Variants in PLXDC2 observed in about 807,000 individuals in gnomAD.
PLXDC2 encodes plexin domain containing 2.
A neutral mutation model predicts 68.9 loss-of-function variants in PLXDC2; 40 were observed. The ratio of observed to expected loss-of-function variants is 0.58; its 90% CI spans 0.45 to 0.76. PLXDC2 has a LOEUF of 0.76. Among genes scored for constraint, PLXDC2 ranks in the 30% least tolerant of loss-of-function variants. The probability of loss-of-function intolerance (pLI) is 0.00; values close to 1 mark genes in which losing one functional copy is unlikely to be tolerated. For synonymous variants in PLXDC2, 243 were observed against 234.2 expected, an observed-to-expected ratio of 1.04 and a Z score of -0.34; for missense variants, 644 against 661.9, an observed-to-expected ratio of 0.97 and a Z score of 0.30.
At chr10:20,145,119 AT>A (rs1326325404) in intron 5 of PLXDC2, among the ~76,000 whole-genome samples, 2 of 152,230 alleles carry the variant, frequency 1.3e-5, no homozygotes, top group Non-Finnish European at 2.9e-5. Context: ...ATGAATAAAA[AT>A]AATTACATAC....
At chr10:20,083,586 A>G (rs1194605858) in intron 4 of PLXDC2, among the ~76,000 whole-genome samples, 1 of 152,062 alleles carries the variant, frequency 6.6e-6, no homozygotes, top group Non-Finnish European at 1.5e-5. Flanking sequence ...CAGTGTATGT[A>G]TTTGTTTTTA....
chr10:20,143,732 T>C (rs1021949111), intron 5 of PLXDC2, among the ~76,000 whole-genome samples: 3 of 151,968 alleles, frequency 2.0e-5, no homozygotes, highest in Non-Finnish European at 4.4e-5. Flanking sequence ...CAGAAAAAAA[T>C]GGAAATAAGA....
chr10:20,279,882 T>A lies in PLXDC2; in HGVS notation c.*63T>A, dbSNP rs894180748. On this transcript the variant is annotated 3_prime_UTR_variant, in exon 14 of 14. Transcript: ENST00000377252. ...GGTGTTAAGACTAAAATTTTGCCTA[T>A]ACCTTTAAGACAAACAAACAAACAC... 3 of 1,307,706 alleles carry A rather than the reference T, an allele frequency of 2.3e-6. No individual in the cohort carries two copies. In the African/African-American group the frequency reaches 4.4e-5, roughly 19 times the overall value. The allele number at this position is 1,307,706 out of a possible 1,614,324, so 81.0% of individuals were successfully genotyped here.
At chr10:20,101,795 CT>C (rs78761647) in intron 4 of PLXDC2, among the ~76,000 whole-genome samples, 2 of 149,288 alleles carry the variant, frequency 1.3e-5, no homozygotes, top group Admixed American at 6.7e-5. Flanking sequence ...TTTTACCAAA[CT>C]TTTTTTTTTA....
chr10:20,198,527 C>G (rs1834872528), intron 9 of PLXDC2, among the ~76,000 whole-genome samples: 1 of 152,058 alleles, frequency 6.6e-6, no homozygotes, highest in Admixed American at 6.6e-5. Flanking sequence ...ATGTCTTCAA[C>G]TTTTAACTCT....
chr10:20,173,415 A>T (rs1275482038), intron 7 of PLXDC2, among the ~76,000 whole-genome samples: 1 of 152,174 alleles, frequency 6.6e-6, no homozygotes, highest in Non-Finnish European at 1.5e-5. Context: ...GATCATGGCT[A>T]ATCATGCCTC....
chr10:20,053,880 G>A (rs994725980), intron 3 of PLXDC2, among the ~76,000 whole-genome samples: 1 of 152,028 alleles, frequency 6.6e-6, no homozygotes, highest in Non-Finnish European at 1.5e-5. Flanking sequence ...GTGCGTTGTG[G>A]AGAATAAAAA....
chr10:20,102,870 A>G (rs1589630397), intron 4 of PLXDC2, among the ~76,000 whole-genome samples: 1 of 152,154 alleles, frequency 6.6e-6, no homozygotes, highest in Admixed American at 6.6e-5. Context: ...AAGAACACCA[A>G]ATTATTGAGT....
At chr10:20,085,475 T>C (rs1311709582) in intron 4 of PLXDC2, among the ~76,000 whole-genome samples, 1 of 152,198 alleles carries the variant, frequency 6.6e-6, no homozygotes, top group Non-Finnish European at 1.5e-5. Context: ...TGCTACATGA[T>C]ATTTAAGCTG....
At chr10:19,828,952 A>C (rs1836628087) in intron 1 of PLXDC2, among the ~76,000 whole-genome samples, 1 of 152,084 alleles carries the variant, frequency 6.6e-6, no homozygotes, top group Non-Finnish European at 1.5e-5. Context: ...AGATCTTTCT[A>C]AAATGCAAAT....
At chr10:19,912,183 C>T (rs1205012626) in intron 1 of PLXDC2, among the ~76,000 whole-genome samples, 22 of 152,208 alleles carry the variant, frequency 1.4e-4, no homozygotes, top group Non-Finnish European at 4.4e-5. Context: ...TAGAGCTGAG[C>T]TGCTGAATGC....
intron 13 of PLXDC2, among the ~76,000 whole-genome samples, chr10:20,261,220 T>G (rs1835805184): frequency 6.6e-6 from 1 of 152,200 alleles, no homozygotes; most frequent in South Asian, 2.1e-4. Context: ...TAATTTTTGC[T>G]TTTGTTGCCT....
intron 12 of PLXDC2, among the ~76,000 whole-genome samples, chr10:20,229,214 A>G (rs1835327164): frequency 6.6e-6 from 1 of 152,130 alleles, no homozygotes. Flanking sequence ...GGAGGGAGAA[A>G]TTGAGGGGGT....
At chr10:20,086,151 A>G (rs912560242) in intron 4 of PLXDC2, among the ~76,000 whole-genome samples, 1 of 151,878 alleles carries the variant, frequency 6.6e-6, no homozygotes, top group African/African-American at 2.4e-5. Context: ...GTCTGATGGT[A>G]TTTAAAGAGA....
intron 1 of PLXDC2, among the ~76,000 whole-genome samples, chr10:19,899,188 T>C (rs754682712): frequency 1.3e-5 from 2 of 152,198 alleles, no homozygotes; most frequent in Admixed American, 6.5e-5. Context: ...TCCAGTCCCA[T>C]TGAGGCCTCT....
chr10:20,143,078 G>A (rs1041421265), intron 4 of PLXDC2, among the ~76,000 whole-genome samples: 4 of 151,984 alleles, frequency 2.6e-5, no homozygotes, highest in East Asian at 1.9e-4. Flanking sequence ...TATAGATTTC[G>A]GATTTGCAAG....
chr10:20,189,482 TA>T (rs1834732046), intron 9 of PLXDC2, among the ~76,000 whole-genome samples: 2 of 117,226 alleles, frequency 1.7e-5, no homozygotes, highest in African/African-American at 6.1e-5. Flanking sequence ...AGGCCATATA[TA>T]TATATATATA....
intron 4 of PLXDC2, among the ~76,000 whole-genome samples, chr10:20,069,487 T>C (rs901012090): frequency 1.3e-5 from 2 of 152,018 alleles, no homozygotes; most frequent in Non-Finnish European, 2.9e-5. Context: ...TGAGACCCTA[T>C]ATCTACAAAA....
chr10:20,172,831 G>A (rs1589664713), intron 7 of PLXDC2, among the ~76,000 whole-genome samples: 1 of 152,142 alleles, frequency 6.6e-6, no homozygotes, highest in African/African-American at 2.4e-5. Flanking sequence ...CAAGCAATGA[G>A]GGAATGTTGA....
Sources: gnomAD v4.1 joint callset for allele counts (sites outside exome capture counted in the v4.1 genomes callset) on GRCh38, gnomAD v4.1.1 for gene constraint, MANE v1.5 for transcripts, NCBI Gene and HGNC (gene_info 2026-07-23, HGNC 2026-07-21) for gene names.